Variants in FAM186B observed in about 807,000 individuals in gnomAD.
The protein encoded by FAM186B is protein FAM186B.
Under a neutral mutation model 83.4 loss-of-function variants are expected in FAM186B, and 68 were observed. That is an observed-to-expected ratio of 0.81 (90% CI 0.67 to 1.00). The LOEUF is 1.00. Among genes scored for constraint, FAM186B ranks in the 50% least tolerant of loss-of-function variants. The pLI is 0.00. For missense variants in FAM186B, 983 were observed against 1,099.2 expected, an observed-to-expected ratio of 0.89 and a Z score of 1.49; for synonymous variants, 389 against 422.0, an observed-to-expected ratio of 0.92 and a Z score of 0.96.
At chr12:49,597,884 AC>A (rs1939764865) in intron 5 of FAM186B, among the ~76,000 whole-genome samples, 1 of 152,008 alleles carries the variant, frequency 6.6e-6, no homozygotes. Context: ...ACATGGTGAA[AC>A]CCCGTCTCTA....
chr12:49,615,501 T>C, the FAM186B span, among the ~76,000 whole-genome samples: 1 of 152,152 alleles, frequency 6.6e-6, no homozygotes, highest in South Asian at 2.1e-4. Context: ...AAAGAAGTTA[T>C]ACAAATGGGC....
At chr12:49,605,692 G>A (rs1296880321), upstream of FAM186B, 4 of 467,260 alleles carry the variant, frequency 8.6e-6, no homozygotes, top group Admixed American at 1.6e-4. Flanking sequence ...ATTAGGAGAT[G>A]AGACTCCCCA....
rs1434916478 is a variant in FAM186B at position 49,600,458 on chromosome 12, G to A, written c.1182C>T (p.Thr394=). ...CTGCGACCCTCGAGCGCACAGTCAT[G>A]GTGGAAAGTGGCTGGTGCCCTGCAG... The part of the protein sequence containing the change: ...AIAAGHQPLS[T]MTVRSRVADV... The change falls in exon 4 of 7, where the codon ACC becomes ACT. Residue 394 remains threonine (T), a synonymous_variant. Transcript: ENST00000257894. This position sits in a 1 kb window ranked among gnomAD's most constrained non-coding sequence, Gnocchi z 4.3. 4 of 1,613,506 alleles carry A rather than the reference G, an allele frequency of 2.5e-6. No individual in the cohort carries two copies. The South Asian group carries it at 4.4e-5, about 18-fold the overall frequency.
upstream of FAM186B, chr12:49,605,727 T>A: frequency 5.9e-6 from 2 of 339,042 alleles, no homozygotes; most frequent in Non-Finnish European, 1.1e-5. Flanking sequence ...GTCCATTACC[T>A]AACATATATT....
intron 2 of FAM186B, 104 bp downstream of exon 2, chr12:49,604,209 G>A (rs1939958886): frequency 2.3e-6 from 2 of 860,290 alleles, no homozygotes; most frequent in East Asian, 4.9e-5. Context: ...GACACGAGTG[G>A]TGGAATGCTT....
At chr12:49,606,486 GACACACACACACACACAC>G (rs57458344), upstream of FAM186B, among the ~76,000 whole-genome samples, 33 of 136,090 alleles carry the variant, frequency 2.4e-4, no homozygotes, top group South Asian at 2.5e-3. Flanking sequence ...TAGATACCCT[GACACACACACACACACAC>G]ACACACACAC....
rs140386687 is a variant in FAM186B, at chr12:49,598,861, A to T, written c.2258T>A (p.Ile753Asn). 3.7e-6 allele frequency: 6 copies of T among 1,613,034 alleles called. No homozygotes were observed. The highest frequency in any genetic ancestry group is 4.5e-5 in the East Asian group (2 of 44,778). ...AQNLYIFLENIDRLQSLRLQA... is the reference protein window; with the variant it reads ...AQNLYIFLENNDRLQSLRLQA... ...CAGCCTGAGACTCTGCAGGCGGTCA[A>T]TGTTTTCCAGGAAGATGTAGAGGTT... is the stretch of plus-strand genomic sequence containing the variant. The change falls in exon 5 of 7, where the codon ATT becomes AAT. Residue 753 changes from isoleucine (I) to asparagine (N), a missense_variant. Ile to Asn is a moderately radical substitution (Grantham distance 149). Coordinates refer to ENST00000257894, the MANE Select transcript of FAM186B (RefSeq NM_032130.3).
chr12:49,605,468 CCTT>C lies in FAM186B; in HGVS notation c.7_9del (p.Lys3del). On this transcript the variant is annotated inframe_deletion, in exon 1 of 7. Transcript: ENST00000257894. ...GGAGTCACCAACTGTGGGGGGTCAT[CCTT>C]CTCCATTTTGGATCACTCTGTCAGT... 6.2e-7 allele frequency: 1 copy of C among 1,613,388 alleles called. No individual in the cohort carries two copies. Among genetic ancestry groups the C allele is most frequent in the Non-Finnish European group, 8.5e-7 (1 of 1,179,740 alleles).
At chr12:49,620,700 T>C in the FAM186B span, among the ~76,000 whole-genome samples, 1 of 152,218 alleles carries the variant, frequency 6.6e-6, no homozygotes, top group Non-Finnish European at 1.5e-5. Context: ...TTTGTAATTG[T>C]AGATATCTGT....
intron 5 of FAM186B, among the ~76,000 whole-genome samples, chr12:49,597,323 C>T (rs186199754): frequency 7.2e-4 from 109 of 152,036 alleles, no homozygotes; most frequent in Admixed American, 1.9e-3. Context: ...TGGTTGGCCC[C>T]GGAGGACATT....
intron 5 of FAM186B, among the ~76,000 whole-genome samples, chr12:49,596,300 G>A (rs558551348): frequency 7.6e-6 from 1 of 131,546 alleles, no homozygotes; most frequent in Admixed American, 8.3e-5. Flanking sequence ...ACTAGCCTCG[G>A]CAATATAGTG....
chr12:49,615,827 T>C, the FAM186B span, among the ~76,000 whole-genome samples: 2 of 150,900 alleles, frequency 1.3e-5, no homozygotes, highest in African/African-American at 4.9e-5. Context: ...AAATGGCAAA[T>C]AAGCACATAA....
intron 5 of FAM186B, among the ~76,000 whole-genome samples, chr12:49,589,166 G>C (rs1270102780): frequency 1.3e-5 from 2 of 152,178 alleles, no homozygotes; most frequent in Non-Finnish European, 2.9e-5. Context: ...AGGCTCTTCT[G>C]GCTGCCTGAT....
chr12:49,617,602 C>G, the FAM186B span, among the ~76,000 whole-genome samples: 1 of 152,148 alleles, frequency 6.6e-6, no homozygotes, highest in Non-Finnish European at 1.5e-5. Flanking sequence ...TTCATGATAG[C>G]TTTCTATTAT....
At chr12:49,585,204 G>T (rs563238602), downstream of FAM186B, among the ~76,000 whole-genome samples, 5 of 152,042 alleles carry the variant, frequency 3.3e-5, no homozygotes, top group African/African-American at 1.2e-4. Context: ...ATTTTTAGTA[G>T]AGATGGGGTT....
At position 49,601,122 on chromosome 12, in the gene FAM186B, G is replaced by A; in HGVS notation, c.518C>T (p.Thr173Ile). ...QKKRSQVSKR[T>I]FWQGWQGRSP... ...TCTTCCCTGCCAGCCCTGCCAGAAG[G>A]TGCGTTTGGACACTGGGACAGGTAG... Residue 173 changes from threonine to isoleucine, a missense_variant, in exon 4 of 7, where the codon ACC becomes ATC. Transcript: ENST00000257894. 1.3e-6 allele frequency: 2 copies of A among 1,565,698 alleles called. No individual in the cohort carries two copies. The highest frequency in any genetic ancestry group is 1.7e-6 in the Non-Finnish European group (2 of 1,154,330).
At chr12:49,586,353 T>C (rs1379483573), downstream of FAM186B, among the ~76,000 whole-genome samples, 1 of 152,046 alleles carries the variant, frequency 6.6e-6, no homozygotes, top group Non-Finnish European at 1.5e-5. Context: ...CTTGGTGCTG[T>C]TCAAAATGAA....
At chr12:49,585,921 A>C (rs1388022996), downstream of FAM186B, among the ~76,000 whole-genome samples, 1 of 152,234 alleles carries the variant, frequency 6.6e-6, no homozygotes, top group Admixed American at 6.5e-5. Flanking sequence ...GCAGGGACAG[A>C]GAACTTTTGT....
In FAM186B at chr12:49,603,310, A is replaced by G; in HGVS notation, c.380T>C (p.Leu127Pro). ...CTCCGTCACTTCAATCCATTCGTCC[A>G]GAGCTGCTGCTTCCTCTTCACTCTT... ...PRKSEEEAAA[L>P]DEWIEVTEKV... Residue 127 changes from leucine (L) to proline (P), a missense_variant, in exon 3 of 7, where the codon CTG becomes CCG. Physicochemically the swap from Leu to Pro is moderately conservative, Grantham distance 98. Coordinates refer to ENST00000257894, the MANE Select transcript of FAM186B (RefSeq NM_032130.3). 6.2e-7 allele frequency: 1 copy of G among 1,614,242 alleles called. No homozygotes were observed. The highest frequency in any genetic ancestry group is 8.5e-7 in the Non-Finnish European group (1 of 1,180,044).
Sources: allele counts gnomAD v4.1 joint callset (sites outside exome capture counted in the v4.1 genomes callset), GRCh38; gene constraint gnomAD v4.1.1; non-coding constraint Gnocchi (gnomAD v3.1); transcripts MANE v1.5; gene names NCBI Gene and HGNC (gene_info 2026-07-23, HGNC 2026-07-21).